The following GSTA4 variants were observed in gnomAD, a reference collection of about 807,000 sequenced individuals.
GSTA4 encodes the protein glutathione S-transferase alpha 4.
In GSTA4, 15 loss-of-function variants were observed where a neutral mutation model predicts 24.4. The observed-to-expected ratio is 0.61, with a 90% confidence interval of 0.41 to 0.95. GSTA4 has a LOEUF of 0.95. GSTA4 is among the 40% of genes least tolerant of loss of function. The pLI is 0.00. For missense variants in GSTA4, 244 were observed against 262.1 expected, an observed-to-expected ratio of 0.93 and a Z score of 0.48; for synonymous variants, 92 against 94.2, an observed-to-expected ratio of 0.98 and a Z score of 0.13.
chr6:52,978,975 T>G (rs1048376141), intron 6 of GSTA4, among the ~76,000 whole-genome samples: 1 of 152,120 alleles, frequency 6.6e-6, no homozygotes, highest in Non-Finnish European at 1.5e-5. Flanking sequence ...ATCTCTGTCA[T>G]CAATCACCGG....
At position 52,978,444 on chromosome 6, in the gene GSTA4, T is replaced by A; in HGVS notation, c.*26A>T. On this transcript the variant is annotated 3_prime_UTR_variant, in exon 7 of 7. Coordinates refer to ENST00000370963, the MANE Select transcript of GSTA4 (RefSeq NM_001512.4). ...GACAATACCATCTCTAGGAACACACTGTCACTCACACATGGATGTGTTGTT... is the reference window on the plus strand; with the variant it reads ...GACAATACCATCTCTAGGAACACACAGTCACTCACACATGGATGTGTTGTT... 9.9e-6 allele frequency: 16 copies of A among 1,609,988 alleles called. No individual in the cohort carries two copies. Among genetic ancestry groups the A allele is most frequent in the Non-Finnish European group, 1.4e-5 (16 of 1,176,888 alleles).
Position 52,982,564 on chromosome 6 carries a change from T to C in GSTA4, c.546+10A>G. 1 of 1,604,208 alleles carries C rather than the reference T, an allele frequency of 6.2e-7. No individual in the cohort carries two copies. Among genetic ancestry groups the C allele is most frequent in the Non-Finnish European group, 8.5e-7 (1 of 1,174,126 alleles). On this transcript the variant is annotated intron_variant, in intron 6 of 6. Transcript: ENST00000370963. ...TCTAGGCCAATCTTCTAATACATAGTTTTATTTACCTGGAGGAAAGGAAAT... is the reference window on the plus strand; with the variant it reads ...TCTAGGCCAATCTTCTAATACATAGCTTTATTTACCTGGAGGAAAGGAAAT...
At chr6:52,994,019 T>C in intron 2 of GSTA4, 138 bp downstream of exon 2, 1 of 723,204 alleles carries the variant, frequency 1.4e-6, no homozygotes, top group Admixed American at 1.9e-5. Context: ...CCTTCAGGGA[T>C]GGTATCTGAC....
At chr6:52,990,971 G>A (rs886470991) in intron 2 of GSTA4, among the ~76,000 whole-genome samples, 2 of 152,172 alleles carry the variant, frequency 1.3e-5, no homozygotes, top group African/African-American at 2.4e-5. Context: ...TCAGAAATCA[G>A]AATTTGCATA....
intron 2 of GSTA4, among the ~76,000 whole-genome samples, chr6:52,992,420 G>C (rs1763677578): frequency 6.6e-6 from 1 of 152,206 alleles, no homozygotes; most frequent in African/African-American, 2.4e-5. Flanking sequence ...TTTTGAATGT[G>C]GGCTGGACTT....
chr6:52,993,283 C>T (rs1459788300), intron 2 of GSTA4, among the ~76,000 whole-genome samples: 12 of 151,914 alleles, frequency 7.9e-5, no homozygotes, highest in Admixed American at 7.9e-4. Context: ...GAAAATATTC[C>T]CAAATATAAA....
At position 52,994,163 on chromosome 6, in the gene GSTA4, T is replaced by C. The variant is rs1410926944; in HGVS notation, c.81A>G (p.Gly27=). The part of the protein sequence containing the change: ...ESVRWVLAAA[G]VEFDEEFLET... The stretch of plus-strand genomic sequence containing the variant: ...GAAACAGCATATAAGGTACCTCGAC[T>C]CCGGCGGCAGCTAAAACCCATCTCA... Residue 27 remains glycine, a synonymous_variant, in exon 2 of 7, where the codon GGA becomes GGG. Transcript: ENST00000370963. 2 of 1,606,226 alleles carry C rather than the reference T, an allele frequency of 1.2e-6. No individual in the cohort carries two copies. The highest frequency in any genetic ancestry group is 4.5e-5 in the East Asian group (2 of 44,850).
chr6:52,980,791 CA>C (rs1159085734), intron 6 of GSTA4, among the ~76,000 whole-genome samples: 2 of 152,174 alleles, frequency 1.3e-5, no homozygotes, highest in Admixed American at 1.3e-4. Flanking sequence ...CACAGTCTTG[CA>C]ACTATGCAGA....
intron 6 of GSTA4, 126 bp downstream of exon 6, chr6:52,982,447 CA>C (rs1210798714): frequency 1.7e-6 from 1 of 593,678 alleles, no homozygotes; most frequent in Admixed American, 3.7e-5. Flanking sequence ...TTTCATTTGC[CA>C]AACTAGAATC....
chr6:52,986,881 G>C (rs1346342349), intron 3 of GSTA4, among the ~76,000 whole-genome samples: 1 of 152,160 alleles, frequency 6.6e-6, no homozygotes, highest in East Asian at 1.9e-4. Context: ...GAGCAGGGCT[G>C]ACCAGGAATT....
intron 2 of GSTA4, among the ~76,000 whole-genome samples, chr6:52,988,783 A>G (rs993912899): frequency 6.6e-6 from 1 of 152,208 alleles, no homozygotes; most frequent in Non-Finnish European, 1.5e-5. Flanking sequence ...TATGGATTGC[A>G]TATTAGATGT....
At chr6:52,992,479 C>T (rs1323172119) in intron 2 of GSTA4, among the ~76,000 whole-genome samples, 2 of 152,176 alleles carry the variant, frequency 1.3e-5, no homozygotes, top group Admixed American at 1.3e-4. Context: ...CTTTAAAATG[C>T]AGCAACCTGG....
chr6:52,988,832 T>G (rs931545275), intron 2 of GSTA4, among the ~76,000 whole-genome samples: 1 of 152,170 alleles, frequency 6.6e-6, no homozygotes, highest in Non-Finnish European at 1.5e-5. Flanking sequence ...GTGACAATGG[T>G]ATTGTGGTTA....
chr6:52,986,126 A>G (rs1384180530), intron 3 of GSTA4, among the ~76,000 whole-genome samples: 1 of 152,300 alleles, frequency 6.6e-6, no homozygotes, highest in African/African-American at 2.4e-5. Flanking sequence ...ATACCTATCC[A>G]CAGTGATAAG....
rs958088959 is a variant in GSTA4, at chr6:52,985,518, G to C, written c.205C>G (p.Arg69Gly). Reference protein sequence around the residue: ...EIDGMKLVQTRSILHYIADKH... With the variant: ...EIDGMKLVQTGSILHYIADKH... ...TCTGCTATGTAGTGGAGAATGCTTC[G>C]GGTCTGTACCAACTTCATCCCGTCA... Residue 69 changes from arginine (R) to glycine (G), a missense_variant, in exon 4 of 7, where the codon CGA (arginine) becomes GGA (glycine). Transcript: ENST00000370963. 3 of 1,613,768 alleles carry C rather than the reference G, an allele frequency of 1.9e-6. No homozygotes were observed. The highest frequency in any genetic ancestry group is 1.7e-5 in the Admixed American group (1 of 60,016).
chr6:52,982,521 G>C, intron 6 of GSTA4, 53 bp downstream of exon 6: 1 of 1,423,604 alleles, frequency 7.0e-7, no homozygotes, highest in South Asian at 1.2e-5. Context: ...AATAGACACT[G>C]AAGGAAGGCC....
At chr6:52,983,481 G>A (rs1039589878) in intron 5 of GSTA4, among the ~76,000 whole-genome samples, 6 of 152,204 alleles carry the variant, frequency 3.9e-5, no homozygotes, top group African/African-American at 1.2e-4. Context: ...GAGCCAGAGT[G>A]GCATAGTACA....
chr6:52,981,847 C>T (rs1763456775), intron 6 of GSTA4, among the ~76,000 whole-genome samples: 1 of 152,120 alleles, frequency 6.6e-6, no homozygotes, highest in Admixed American at 6.5e-5. Flanking sequence ...CCCTTCTCTC[C>T]TTTAAAGTTC....
At chr6:52,994,039 C>T (rs749748933) in intron 2 of GSTA4, 118 bp downstream of exon 2, 4 of 755,884 alleles carry the variant, frequency 5.3e-6, no homozygotes, top group Non-Finnish European at 9.7e-6. Context: ...CTCAGTGAAG[C>T]GTGCCTGTGA....
Sources: gnomAD v4.1 joint callset for allele counts (sites outside exome capture counted in the v4.1 genomes callset) on GRCh38, gnomAD v4.1.1 for gene constraint, MANE v1.5 for transcripts, NCBI Gene and HGNC (gene_info 2026-07-23, HGNC 2026-07-21) for gene names.